Variants in CTTNBP2 observed in about 807,000 individuals in gnomAD.
CTTNBP2 encodes cortactin-binding protein 2.
Under a neutral mutation model 156.9 loss-of-function variants are expected in CTTNBP2, and 108 were observed. That is an observed-to-expected ratio of 0.69 (90% CI 0.59 to 0.81). The LOEUF is 0.81. CTTNBP2 is among the 30% of genes least tolerant of loss of function. The pLI, the probability that CTTNBP2 is intolerant of heterozygous loss-of-function variation, is 0.00. For missense variants in CTTNBP2, 1,924 were observed against 2,035.4 expected (o/e 0.95, Z 1.05); for synonymous variants, 767 against 751.8 (o/e 1.02, Z -0.33).
At chr7:117,768,461 GAGGCTA>G (rs1317364702) in intron 8 of CTTNBP2, among the ~76,000 whole-genome samples, 1 of 150,598 alleles carries the variant, frequency 6.6e-6, no homozygotes, top group Non-Finnish European at 1.5e-5. Context: ...AGCTACCCCG[GAGGCTA>G]AGGCAGGAGA....
intron 12 of CTTNBP2, among the ~76,000 whole-genome samples, chr7:117,748,261 G>A (rs1275739249): frequency 6.6e-6 from 1 of 152,100 alleles, no homozygotes; most frequent in Non-Finnish European, 1.5e-5. Flanking sequence ...CGTACAGATT[G>A]TACTTTTCAT....
rs115455707 is a variant in CTTNBP2, at chr7:117,809,943, T to C, written c.414+822A>G. ...AATCAAACCACACAGCATGAGCTTC[T>C]AGCTTTCTCACTCTCTTTTCTAATA... On this transcript the variant is annotated intron_variant, in intron 3 of 22. Coordinates refer to ENST00000160373, the MANE Select transcript of CTTNBP2 (RefSeq NM_033427.3). Among the ~76,000 whole-genome samples, 1,121 of 152,364 alleles carry C rather than the reference T, an allele frequency of 7.4e-3. 13 individuals are homozygous for C. The highest frequency in any genetic ancestry group is 0.025 in the African/African-American group (1,056 of 41,590).
chr7:117,717,566 G>GGATGTGAATC (rs894450800), intron 22 of CTTNBP2, among the ~76,000 whole-genome samples: 5 of 151,538 alleles, frequency 3.3e-5, no homozygotes, highest in African/African-American at 1.2e-4. Flanking sequence ...GTTCTGCCCT[G>GGATGTGAATC]GATGTGAATC....
At chr7:117,829,139 G>A (rs543126041) in intron 2 of CTTNBP2, among the ~76,000 whole-genome samples, 4 of 152,232 alleles carry the variant, frequency 2.6e-5, no homozygotes, top group Admixed American at 2.6e-4. Flanking sequence ...AGTGGCCTCA[G>A]AGCATATGAC....
In CTTNBP2 at chr7:117,735,395, G is replaced by A; in HGVS notation, c.3562C>T (p.Pro1188Ser). The change falls in exon 15 of 23, where the codon CCC becomes TCC. Residue 1188 changes from proline to serine, a missense_variant. By Grantham distance (74) the Pro-to-Ser change is moderately conservative. Coordinates refer to ENST00000160373, the MANE Select transcript of CTTNBP2 (RefSeq NM_033427.3). ...ATGATGATGATTTTCTTCTTACTGGGAGATTGTTTCACTGGGATCAGACAA... is the reference window on the plus strand; with the variant it reads ...ATGATGATGATTTTCTTCTTACTGGAAGATTGTTTCACTGGGATCAGACAA... The part of the protein sequence containing the change: ...SACLIPVKQS[P>S]SKKKIIIILE... The A allele has an allele frequency of 1.2e-6, 2 of 1,613,434 alleles. No individual in the cohort carries two copies. Among genetic ancestry groups the A allele is most frequent in the Non-Finnish European group, 1.7e-6 (2 of 1,179,642 alleles).
intron 1 of CTTNBP2, among the ~76,000 whole-genome samples, chr7:117,865,517 A>AC (rs1280590296): frequency 6.6e-6 from 1 of 150,830 alleles, no homozygotes; most frequent in Non-Finnish European, 1.5e-5. Flanking sequence ...AAAAAAAAAA[A>AC]GAAAAAAAAT....
intron 14 of CTTNBP2, among the ~76,000 whole-genome samples, chr7:117,737,928 G>A (rs539482276): frequency 1.9e-4 from 29 of 152,260 alleles, no homozygotes; most frequent in Admixed American, 1.6e-3. Flanking sequence ...AATGGAGCTG[G>A]GCAGGATTCA....
At chr7:117,801,471 C>A (rs1799600068) in intron 3 of CTTNBP2, among the ~76,000 whole-genome samples, 2 of 152,146 alleles carry the variant, frequency 1.3e-5, no homozygotes, top group South Asian at 4.1e-4. Flanking sequence ...AAGAAAATAA[C>A]AATTAAACGC....
chr7:117,784,363 C>T lies in CTTNBP2; in HGVS notation c.2160G>A (p.Gln720=), dbSNP rs1397938289. 1 of 1,613,788 alleles carries T rather than the reference C, an allele frequency of 6.2e-7. No individual in the cohort carries two copies. Among genetic ancestry groups the T allele is most frequent in the Non-Finnish European group, 8.5e-7 (1 of 1,179,898 alleles). ...RPTLLQQAAA[Q]GNVTLLSMLL... Reference sequence around the variant, plus strand: ...GCATTGATAATAAAGTGACATTTCCCTGGGCAGCAGCTTGCTGAAGAAGGG... The same window carrying T: ...GCATTGATAATAAAGTGACATTTCCTTGGGCAGCAGCTTGCTGAAGAAGGG... Residue 720 remains glutamine, a synonymous_variant, in exon 5 of 23, where the codon CAG becomes CAA. Transcript: ENST00000160373.
At position 117,750,610 on chromosome 7, in the gene CTTNBP2, T is replaced by G. The variant is rs143268714; in HGVS notation, c.3349-4511A>C. Among the ~76,000 whole-genome samples the G allele has an allele frequency of 4.1e-3, 620 of 152,296 alleles. 4 individuals are homozygous for G. The highest frequency in any genetic ancestry group is 0.013 in the African/African-American group (523 of 41,556). ...CATCAAATGATATAGTCATGTTGGT[T>G]ACCATTTAAATTCTGAACAACAACA... On this transcript the variant is annotated intron_variant, in intron 12 of 22. Coordinates refer to ENST00000160373, the MANE Select transcript of CTTNBP2 (RefSeq NM_033427.3).
chr7:117,754,193 A>C (rs1428060393), intron 12 of CTTNBP2, among the ~76,000 whole-genome samples: 3 of 152,172 alleles, frequency 2.0e-5, no homozygotes, highest in African/African-American at 4.8e-5. Context: ...CACCCTCCAC[A>C]AGGCGACTCT....
chr7:117,844,975 A>G (rs188197323), intron 2 of CTTNBP2, among the ~76,000 whole-genome samples: 3 of 152,330 alleles, frequency 2.0e-5, no homozygotes, highest in Admixed American at 2.0e-4. Context: ...GGTGAGTAAA[A>G]GCATTGAGAA....
At chr7:117,820,892 T>G (rs955601170) in intron 2 of CTTNBP2, among the ~76,000 whole-genome samples, 4 of 152,192 alleles carry the variant, frequency 2.6e-5, no homozygotes. Flanking sequence ...TTTAATTGAG[T>G]TTGGTAAGTC....
intron 12 of CTTNBP2, among the ~76,000 whole-genome samples, chr7:117,749,118 T>C (rs1796491805): frequency 6.6e-6 from 1 of 152,212 alleles, no homozygotes; most frequent in Non-Finnish European, 1.5e-5. Flanking sequence ...ACTAAGACAC[T>C]AGCAAATAAT....
chr7:117,717,968 A>G (rs757029604), intron 22 of CTTNBP2, 50 bp downstream of exon 22: 4 of 1,155,968 alleles, frequency 3.5e-6, no homozygotes, highest in East Asian at 2.3e-5. Flanking sequence ...TGTGAAGTCA[A>G]TTCCACAGCA....
At chr7:117,800,859 G>A (rs757607882) in intron 3 of CTTNBP2, among the ~76,000 whole-genome samples, 1 of 152,064 alleles carries the variant, frequency 6.6e-6, no homozygotes, top group Non-Finnish European at 1.5e-5. Flanking sequence ...TTGTTGCTAA[G>A]TACCATCTCC....
At chr7:117,803,258 G>A (rs1045214737) in intron 3 of CTTNBP2, among the ~76,000 whole-genome samples, 1 of 152,200 alleles carries the variant, frequency 6.6e-6, no homozygotes, top group Non-Finnish European at 1.5e-5. Context: ...GGATGCAGAT[G>A]GAGGTCATTA....
intron 19 of CTTNBP2, among the ~76,000 whole-genome samples, chr7:117,722,942 A>G (rs1028639801): frequency 6.6e-6 from 1 of 152,198 alleles, no homozygotes; most frequent in Non-Finnish European, 1.5e-5. Context: ...TTCTCTGTAA[A>G]TGGAGATCAT....
intron 2 of CTTNBP2, among the ~76,000 whole-genome samples, chr7:117,819,363 TCTCTCACACA>T (rs1563039812): frequency 7.4e-6 from 1 of 135,160 alleles, no homozygotes; most frequent in African/African-American, 3.0e-5. Flanking sequence ...TCCTTCTCTC[TCTCTCACACA>T]CACACACACA....
Sources: allele counts gnomAD v4.1 joint callset (sites outside exome capture counted in the v4.1 genomes callset), GRCh38; gene constraint gnomAD v4.1.1; transcripts MANE v1.5; gene names NCBI Gene and HGNC (gene_info 2026-07-23, HGNC 2026-07-21).